MGST1: variants seen among roughly 807,000 people sequenced by gnomAD.
MGST1 encodes the protein microsomal glutathione S-transferase 1.
MGST1 carries 5 observed loss-of-function variants against 8.9 expected under a neutral mutation model. That is an observed-to-expected ratio of 0.56 (90% CI 0.29 to 1.19). MGST1 has a LOEUF of 1.19. MGST1 is among the 50% of genes most tolerant of loss of function. The probability of loss-of-function intolerance (pLI) is 0.08; values close to 1 mark genes in which losing one functional copy is unlikely to be tolerated. For synonymous variants in MGST1, 54 were observed against 67.8 expected, an observed-to-expected ratio of 0.80 and a Z score of 1.00; for missense variants, 182 against 187.4, an observed-to-expected ratio of 0.97 and a Z score of 0.17.
intron 1 of MGST1, among the ~76,000 whole-genome samples, chr12:16,398,515 G>C (rs1036994258): frequency 6.6e-6 from 1 of 152,138 alleles, no homozygotes; most frequent in Non-Finnish European, 1.5e-5. Flanking sequence ...GATTTCACTA[G>C]AAGCAGTACA....
chr12:16,430,292 A>C (rs1383467999), intron 1 of MGST1, among the ~76,000 whole-genome samples: 2 of 152,128 alleles, frequency 1.3e-5, no homozygotes, highest in Non-Finnish European at 2.9e-5. Context: ...CTTATTCCAA[A>C]TTTTTATTAA....
intron 1 of MGST1, chr12:16,350,633 A>G (rs1939417051): frequency 6.6e-6 from 1 of 152,228 alleles, no homozygotes; most frequent in Non-Finnish European, 1.5e-5. Flanking sequence ...CAATTGATTG[A>G]TAAATCAGCT....
intron 1 of MGST1, among the ~76,000 whole-genome samples, chr12:16,390,699 C>T (rs974489623): frequency 4.7e-4 from 71 of 152,066 alleles, no homozygotes; most frequent in Non-Finnish European, 3.4e-4. Context: ...TTTTCTTTAT[C>T]CAGTCTGTCA....
At chr12:16,430,965 T>C (rs115731637) in intron 1 of MGST1, among the ~76,000 whole-genome samples, 5,142 of 152,310 alleles carry the variant, frequency 0.034, 221 homozygotes, top group African/African-American at 0.1. Context: ...AGTAGCCAAC[T>C]TTATTAATGA....
chr12:16,354,537 T>C, intron 2 of MGST1, 159 bp downstream of exon 2: 1 of 581,368 alleles, frequency 1.7e-6, no homozygotes, highest in South Asian at 3.3e-5. Flanking sequence ...GGATCTGATG[T>C]ATTTATGGAA....
intron 1 of MGST1, among the ~76,000 whole-genome samples, chr12:16,434,606 A>G (rs1435223216): frequency 1.3e-5 from 2 of 151,968 alleles, no homozygotes; most frequent in African/African-American, 4.8e-5. Flanking sequence ...AATTGAACAG[A>G]CTTTCTTTTT....
chr12:16,478,154 C>G (rs1971699), intron 4 of MGST1, among the ~76,000 whole-genome samples: 88,626 of 152,012 alleles, frequency 0.58, 26,121 homozygotes, highest in Non-Finnish European at 0.64. Flanking sequence ...CTCAGCCTCT[C>G]GAGTAGCTGG....
intron 4 of MGST1, among the ~76,000 whole-genome samples, chr12:16,489,773 A>AAAG (rs1263867290): frequency 6.6e-6 from 1 of 152,176 alleles, no homozygotes; most frequent in Non-Finnish European, 1.5e-5. Context: ...CTCTCTTGAT[A>AAAG]AAGAATCACC....
At chr12:16,588,924 A>C (rs1338322245) in intron 4 of MGST1, among the ~76,000 whole-genome samples, 1 of 151,278 alleles carries the variant, frequency 6.6e-6, no homozygotes, top group South Asian at 2.1e-4. Context: ...GTATCAGCCA[A>C]TGTGTACCGC....
At chr12:16,466,050 T>C (rs1271749962) in intron 4 of MGST1, among the ~76,000 whole-genome samples, 2 of 152,218 alleles carry the variant, frequency 1.3e-5, no homozygotes, top group East Asian at 1.9e-4. Context: ...AGAATGAAAA[T>C]TGACTTAGTG....
At chr12:16,391,900 C>T (rs1311029449) in intron 1 of MGST1, among the ~76,000 whole-genome samples, 9 of 152,088 alleles carry the variant, frequency 5.9e-5, no homozygotes, top group African/African-American at 2.2e-4. Context: ...GTGTTTAATC[C>T]ATCTTGAGTT....
At chr12:16,486,173 T>C (rs1185455013) in intron 4 of MGST1, among the ~76,000 whole-genome samples, 2 of 152,210 alleles carry the variant, frequency 1.3e-5, no homozygotes, top group African/African-American at 4.8e-5. Context: ...ACTTCGTAAC[T>C]ACTCTACCTT....
chr12:16,461,516 TAA>T (rs1222761866), intron 4 of MGST1, among the ~76,000 whole-genome samples: 6 of 152,110 alleles, frequency 3.9e-5, no homozygotes, highest in African/African-American at 1.2e-4. Flanking sequence ...AATTTATTAT[TAA>T]GTCAATATTT....
rs748461604 is a variant in MGST1 at position 16,362,346 on chromosome 12, A to G, written c.222-1449A>G. On this transcript the variant is annotated intron_variant, in intron 3 of 3. Transcript: ENST00000396210. The surrounding 1 kb of genome is among the most constrained non-coding windows in gnomAD (Gnocchi z 4.4). The stretch of plus-strand genomic sequence containing the variant: ...TTGAAGCCTTTTCAAATCATTACTT[A>G]GCTGGGCTGCTGCTGTCCTCTTCAT... 6.9e-6 allele frequency among the ~76,000 whole-genome samples: 1 copy of G among 145,032 alleles called. No homozygotes were observed. Among genetic ancestry groups the G allele is most frequent in the Admixed American group, 7.0e-5 (1 of 14,318 alleles).
At chr12:16,490,389 A>C (rs751919918) in intron 4 of MGST1, among the ~76,000 whole-genome samples, 2 of 152,244 alleles carry the variant, frequency 1.3e-5, no homozygotes, top group Non-Finnish European at 2.9e-5. Context: ...ATGAGGAAGA[A>C]ATGCAATAGA....
intron 4 of MGST1, among the ~76,000 whole-genome samples, chr12:16,446,406 T>G (rs1242435847): frequency 6.6e-6 from 1 of 152,070 alleles, no homozygotes; most frequent in Admixed American, 6.6e-5. Flanking sequence ...GAAATGACCA[T>G]GACTTTTTTA....
In MGST1 at chr12:16,364,239, C is replaced by CTT; in HGVS notation, c.*199_*200dup. 1 of 1,267,176 alleles carries CTT rather than the reference C, an allele frequency of 7.9e-7. No individual in the cohort carries two copies. The highest frequency in any genetic ancestry group is 9.9e-7 in the Non-Finnish European group (1 of 1,005,080). 78.5% of individuals were successfully genotyped at this position (1,267,176 alleles called of 1,614,324 possible). On this transcript the variant is annotated 3_prime_UTR_variant, in exon 4 of 4. Coordinates refer to ENST00000396210, the MANE Select transcript of MGST1 (RefSeq NM_020300.5). The surrounding 1 kb of genome is among the most constrained non-coding windows in gnomAD (Gnocchi z 5.7). ...GGATTAGAAATTTAACATAGTAATTCTTAAGTCTTTTGTCTGATTTTTAAA... is the reference window on the plus strand; with the variant it reads ...GGATTAGAAATTTAACATAGTAATTCTTTTAAGTCTTTTGTCTGATTTTTAAA...
chr12:16,361,702 C>A lies in MGST1; in HGVS notation c.222-2093C>A. Among the ~76,000 whole-genome samples, 1 of 152,132 alleles carries A rather than the reference C, an allele frequency of 6.6e-6. No individual in the cohort carries two copies. Among genetic ancestry groups the A allele is most frequent in the Middle Eastern group, 3.4e-3 (1 of 294 alleles). On this transcript the variant is annotated intron_variant, in intron 3 of 3. Transcript: ENST00000396210. The surrounding 1 kb of genome is among the most constrained non-coding windows in gnomAD (Gnocchi z 4.2). ...CTGGAACAGAGTCTCAAAAGAAGTA[C>A]AAAATACAGCATAAATTGGCATAAG...
intron 4 of MGST1, among the ~76,000 whole-genome samples, chr12:16,541,636 G>T (rs1941794094): frequency 6.6e-6 from 1 of 152,060 alleles, no homozygotes; most frequent in South Asian, 2.1e-4. Context: ...AGATCAGAGA[G>T]AAGATAAAAC....
Sources: gnomAD v4.1 joint callset for allele counts (sites outside exome capture counted in the v4.1 genomes callset) on GRCh38, gnomAD v4.1.1 for gene constraint, Gnocchi (gnomAD v3.1) non-coding constraint, MANE v1.5 for transcripts, NCBI Gene and HGNC (gene_info 2026-07-23, HGNC 2026-07-21) for gene names.